The following GP2 variants were observed in gnomAD, a reference collection of about 807,000 sequenced individuals.
GP2 encodes the protein glycoprotein 2, also known as pancreatic secretory granule membrane major glycoprotein GP2.
A neutral mutation model predicts 60.8 loss-of-function variants in GP2; 58 were observed. That is an observed-to-expected ratio of 0.95 (90% confidence interval 0.77 to 1.19). The LOEUF (loss-of-function observed/expected upper bound fraction) is 1.19, where lower values mean the gene tolerates loss of function less well. GP2 is among the 50% of genes most tolerant of loss of function. The probability of loss-of-function intolerance (pLI) is 0.00; values close to 1 mark genes in which losing one functional copy is unlikely to be tolerated. For synonymous variants in GP2, 280 were observed against 253.4 expected (o/e 1.10, Z -1.00); for missense variants, 647 against 667.4 (o/e 0.97, Z 0.34).
At chr16:20,326,130 T>A (rs1964526522) in intron 2 of GP2, 1 of 576,370 alleles carries the variant, frequency 1.7e-6, no homozygotes, top group Non-Finnish European at 3.1e-6. Context: ...CCCACTGCCC[T>A]TTCAGAGGAA....
At chr16:20,311,854 C>T (rs1964004902) in intron 10 of GP2, among the ~76,000 whole-genome samples, 1 of 152,216 alleles carries the variant, frequency 6.6e-6, no homozygotes. Context: ...CTGACTAATA[C>T]TGAAGGGGCA....
At position 20,317,198 on chromosome 16, in the gene GP2, C is replaced by T. The variant is rs1964205721; in HGVS notation, c.1416+15G>A. 2.0e-6 allele frequency: 3 copies of T among 1,500,584 alleles called. No homozygotes were observed. The highest frequency in any genetic ancestry group is 2.3e-5 in the South Asian group (2 of 88,724). 93.0% of individuals were successfully genotyped at this position (1,500,584 alleles called of 1,614,324 possible). Reference sequence around the variant, plus strand: ...ATGCCAGGCTCTGAAGAGTTCAGTTCAAAGAGACACTCACAGGCTGGCACT... The same window carrying T: ...ATGCCAGGCTCTGAAGAGTTCAGTTTAAAGAGACACTCACAGGCTGGCACT... On this transcript the variant is annotated intron_variant, in intron 8 of 10. Coordinates refer to ENST00000302555, the MANE Select transcript of GP2 (RefSeq NM_001502.4).
intron 10 of GP2, among the ~76,000 whole-genome samples, chr16:20,312,875 C>G (rs930288268): frequency 2.6e-5 from 4 of 152,078 alleles, no homozygotes; most frequent in Non-Finnish European, 5.9e-5. Context: ...GTCTCGAACT[C>G]CTGACGTCAG....
intron 2 of GP2, among the ~76,000 whole-genome samples, chr16:20,325,600 A>G (rs1964510679): frequency 6.6e-6 from 1 of 152,174 alleles, no homozygotes; most frequent in Non-Finnish European, 1.5e-5. Flanking sequence ...GGGTCAAGCT[A>G]ATTGTCTTCT....
rs1274324110 is a variant in GP2 at position 20,320,509 on chromosome 16, T to C, written c.647-36A>G. 6 of 1,433,804 alleles carry C rather than the reference T, an allele frequency of 4.2e-6. No individual in the cohort carries two copies. The South Asian group carries it at 5.8e-5, about 14-fold the overall frequency. The allele number at this position is 1,433,804 out of a possible 1,614,324, so 88.8% of individuals were successfully genotyped here. A position where few individuals can be genotyped will look rare whatever the true frequency, so the allele number is the denominator to read the frequency against. ...GAGATGAAGGCAAGTAGAATGGACA[T>C]GAGTCTGGAAGCCCACTTTCCCTAC... On this transcript the variant is annotated intron_variant, in intron 4 of 10. Coordinates refer to ENST00000302555, the MANE Select transcript of GP2 (RefSeq NM_001502.4).
rs73541251 is a variant in GP2, at chr16:20,320,415, C to G, written c.705G>C (p.Val235=). The G allele has an allele frequency of 0.052, 84,499 of 1,613,776 alleles. 4,451 individuals carry two copies. Among genetic ancestry groups the G allele is most frequent in the African/African-American group, 0.27 (20,483 of 74,940 alleles). Residue 235 remains valine (V), a synonymous_variant, in exon 5 of 11, where the codon GTG becomes GTC. Transcript: ENST00000302555. ...DCGPREIKVK[V]DKCLLGGLGL... ...CCAGGCCTCCCAGCAAACATTTGTC[C>G]ACCTTCACCTTGATCTCCCTGGGCC... is the stretch of plus-strand genomic sequence containing the variant.
intron 3 of GP2, chr16:20,323,250 G>A (rs1181723279): frequency 3.0e-6 from 2 of 669,804 alleles, no homozygotes; most frequent in Non-Finnish European, 5.5e-6. Context: ...CAGCATGGTG[G>A]TTAAGGCCAT....
chr16:20,313,234 A>G (rs1964046341), intron 10 of GP2, among the ~76,000 whole-genome samples: 1 of 146,822 alleles, frequency 6.8e-6, no homozygotes, highest in Non-Finnish European at 1.5e-5. Flanking sequence ...AAATGTAAAA[A>G]TGTTCTCTCT....
chr16:20,318,472 A>G, intron 6 of GP2, 42 bp from the exon 7 acceptor site: 2 of 1,592,376 alleles, frequency 1.3e-6, no homozygotes, highest in Non-Finnish European at 1.7e-6. Flanking sequence ...CTCAGAGAAC[A>G]ACATAAATCA....
chr16:20,323,982 C>A lies in GP2; in HGVS notation c.369G>T (p.Gly123=). 1 of 1,614,160 alleles carries A rather than the reference C, an allele frequency of 6.2e-7. No individual in the cohort carries two copies. Among genetic ancestry groups the A allele is most frequent in the Non-Finnish European group, 8.5e-7 (1 of 1,179,998 alleles). ...CQTDAPMWLN[G]THPALGDGIT... ...TGCCATCCCCAAGGGCAGGGTGGGT[C>A]CCATTCAGCCACATGGGAGCGTCTG... Residue 123 remains glycine (G), a synonymous_variant, in exon 3 of 11, where the codon GGG becomes GGT. Coordinates refer to ENST00000302555, the MANE Select transcript of GP2 (RefSeq NM_001502.4).
chr16:20,309,757 G>A lies in GP2; in HGVS notation c.*1466C>T, dbSNP rs1033538796. 33 of 152,076 alleles carry A rather than the reference G, an allele frequency of 2.2e-4. No individual in the cohort carries two copies. The highest frequency in any genetic ancestry group is 7.5e-4 in the African/African-American group (31 of 41,368). 9.4% of individuals were successfully genotyped at this position (152,076 alleles called of 1,614,324 possible). A position where few individuals can be genotyped will look rare whatever the true frequency, so the allele number is the denominator to read the frequency against. ...TTTTGGCTTGCCAGGCCCCACTCCC[G>A]GAGCTTGTGCAGCCTGGATGTATCT... On this transcript the variant is annotated 3_prime_UTR_variant, in exon 11 of 11. Transcript: ENST00000302555.
Position 20,315,937 on chromosome 16 carries a change from C to G in GP2, c.1501+19G>C. The G allele has an allele frequency of 6.5e-7, 1 of 1,541,502 alleles. No homozygotes were observed. The highest frequency in any genetic ancestry group is 9.0e-7 in the Non-Finnish European group (1 of 1,113,738). ...AACACTCAGCCAGCTGGTCTTGTCA[C>G]TGGGATTTGGCCACTTACCTCTCCG... On this transcript the variant is annotated intron_variant, in intron 9 of 10. Transcript: ENST00000302555.
chr16:20,323,325 A>G (rs1457075085), intron 3 of GP2: 3 of 716,714 alleles, frequency 4.2e-6, no homozygotes, highest in Non-Finnish European at 7.8e-6. Flanking sequence ...CTGTGATACT[A>G]GGAGAGCCCC....
chr16:20,321,197 G>A (rs998984203), intron 4 of GP2, among the ~76,000 whole-genome samples: 6 of 150,982 alleles, frequency 4.0e-5, no homozygotes, highest in Middle Eastern at 3.4e-3. Context: ...TACAGGCATG[G>A]GATTACAGGC....
chr16:20,326,489 G>C (rs1964539699), intron 1 of GP2, 22 bp from the exon 2 acceptor site: 1 of 1,599,372 alleles, frequency 6.3e-7, no homozygotes, highest in Admixed American at 1.7e-5. Flanking sequence ...AAAAGACCAA[G>C]ATAAGATTAG....
chr16:20,316,102 CT>C, intron 8 of GP2, 62 bp from the exon 9 acceptor site: 1 of 1,062,288 alleles, frequency 9.4e-7, no homozygotes, highest in Non-Finnish European at 1.5e-6. Flanking sequence ...ATCTAGACTG[CT>C]CCTACAATGG....
intron 1 of GP2, 177 bp downstream of exon 1, chr16:20,327,290 C>T (rs575831567): frequency 1.4e-5 from 5 of 359,238 alleles, no homozygotes; most frequent in Middle Eastern, 1.0e-3. Context: ...TCGCAGATGA[C>T]TGGAAGCATG....
chr16:20,314,797 C>T, intron 9 of GP2, 96 bp from the exon 10 acceptor site: 1 of 869,972 alleles, frequency 1.1e-6, no homozygotes, highest in Non-Finnish European at 2.0e-6. Flanking sequence ...TAGACCTGGC[C>T]ATCGCAACCA....
Position 20,311,059 on chromosome 16 carries a change from G to A in GP2, c.*164C>T, listed in dbSNP as rs1963980547. On this transcript the variant is annotated 3_prime_UTR_variant, in exon 11 of 11. Coordinates refer to ENST00000302555, the MANE Select transcript of GP2 (RefSeq NM_001502.4). ...GGCATGAGCCACTGCGCCCAGCCGA[G>A]AGTTTTAAAGAAGGTGAAAGCTCTT... 4 of 544,644 alleles carry A rather than the reference G, an allele frequency of 7.3e-6. No homozygotes were observed. In the East Asian group the frequency reaches 9.8e-5, roughly 13 times the overall value. 33.7% of individuals were successfully genotyped at this position (544,644 alleles called of 1,614,324 possible). A position where few individuals can be genotyped will look rare whatever the true frequency, so the allele number is the denominator to read the frequency against.
Sources: allele counts gnomAD v4.1 joint callset (sites outside exome capture counted in the v4.1 genomes callset), GRCh38; gene constraint gnomAD v4.1.1; transcripts MANE v1.5; gene names NCBI Gene and HGNC (gene_info 2026-07-23, HGNC 2026-07-21).